RNF217: variants seen among roughly 807,000 people sequenced by gnomAD.
The protein encoded by RNF217 is E3 ubiquitin-protein ligase RNF217.
A neutral mutation model predicts 57.8 loss-of-function variants in RNF217; 31 were observed. The observed-to-expected ratio is 0.54, with a 90% confidence interval of 0.40 to 0.72. The LOEUF (loss-of-function observed/expected upper bound fraction) is 0.72, where lower values mean the gene tolerates loss of function less well. RNF217 is among the 30% of genes least tolerant of loss of function. RNF217 has a pLI of 0.00. For missense variants in RNF217, 696 were observed against 708.3 expected (o/e 0.98, Z 0.20); for synonymous variants, 313 against 294.0 (o/e 1.06, Z -0.66).
At chr6:125,008,975 T>G (rs1271220739) in intron 1 of RNF217, 1 of 255,376 alleles carries the variant, frequency 3.9e-6, no homozygotes, top group Non-Finnish European at 7.3e-6. Context: ...TAAAATGTGT[T>G]TCCCCTGGTT....
chr6:124,966,218 G>T (rs1433970505), intron 1 of RNF217, among the ~76,000 whole-genome samples: 2 of 152,190 alleles, frequency 1.3e-5, no homozygotes, highest in Admixed American at 6.5e-5. Context: ...GATTGTGGTT[G>T]TAATATTTTT....
chr6:124,996,653 A>G (rs1427885558), intron 1 of RNF217: 2 of 152,226 alleles, frequency 1.3e-5, no homozygotes, highest in Non-Finnish European at 2.9e-5. Flanking sequence ...AAGCATATAC[A>G]GTGTGAGCAT....
At chr6:125,034,804 C>G (rs1011424465) in intron 1 of RNF217, among the ~76,000 whole-genome samples, 5 of 151,936 alleles carry the variant, frequency 3.3e-5, no homozygotes, top group African/African-American at 9.7e-5. Context: ...GCCATTTTCA[C>G]GATATTGATT....
chr6:124,966,398 A>G (rs1451389038), intron 1 of RNF217, among the ~76,000 whole-genome samples: 3 of 152,194 alleles, frequency 2.0e-5, no homozygotes, highest in Admixed American at 6.5e-5. Flanking sequence ...TTGTTGCCCT[A>G]CTGAACCACA....
chr6:125,001,654 ACTTGT>A (rs1366621968), intron 1 of RNF217, among the ~76,000 whole-genome samples: 1 of 152,230 alleles, frequency 6.6e-6, no homozygotes, highest in East Asian at 1.9e-4. Flanking sequence ...GAGTTCACAC[ACTTGT>A]CTTGGTCTTT....
intron 1 of RNF217, among the ~76,000 whole-genome samples, chr6:124,993,489 C>T (rs868842250): frequency 6.6e-6 from 1 of 152,156 alleles, no homozygotes; most frequent in Non-Finnish European, 1.5e-5. Flanking sequence ...AGAATAAGAT[C>T]ATTCCTCAGT....
At chr6:125,030,535 C>T (rs533325417) in intron 1 of RNF217, among the ~76,000 whole-genome samples, 1 of 152,270 alleles carries the variant, frequency 6.6e-6, no homozygotes, top group East Asian at 1.9e-4. Context: ...AAGGCCAAAA[C>T]AAAGGGTTTA....
chr6:125,072,796 A>T (rs995959622), intron 3 of RNF217, among the ~76,000 whole-genome samples: 11 of 152,124 alleles, frequency 7.2e-5, no homozygotes, highest in African/African-American at 2.4e-4. Flanking sequence ...AATATGATTG[A>T]TCTTCTGGTG....
At chr6:125,035,927 A>T in intron 1 of RNF217, among the ~76,000 whole-genome samples, 1 of 150,206 alleles carries the variant, frequency 6.7e-6, no homozygotes, top group South Asian at 2.1e-4. Context: ...ATTTTATTAT[A>T]TTTTAAGTTC....
Position 125,043,482 on chromosome 6 carries a change from A to G in RNF217, c.883-1729A>G, listed in dbSNP as rs537444290. On this transcript the variant is annotated intron_variant, in intron 1 of 5. Coordinates refer to ENST00000521654, the MANE Select transcript of RNF217 (RefSeq NM_001286398.3). ...CCTCTTTACTGACATGTTCCTGCAA[A>G]GCTTCAGTACCTAGCCCGTACCTGC... Among the ~76,000 whole-genome samples the G allele has an allele frequency of 6.6e-5, 10 of 152,112 alleles. No homozygotes were observed. In the South Asian group the frequency reaches 2.1e-3, roughly 32 times the overall value.
rs1462007543 is a variant in RNF217 at position 125,081,446 on chromosome 6, A to T, written c.1494A>T (p.Leu498Phe). The T allele has an allele frequency of 6.2e-7, 1 of 1,611,108 alleles. No homozygotes were observed. Residue 498 changes from leucine (L) to phenylalanine (F), a missense_variant, in exon 5 of 6, where the codon TTA becomes TTT. Around this residue, in one of 2 missense-constraint regions of RNF217, gnomAD observed 231 missense variants for 321.4 expected, o/e 0.72. Coordinates refer to ENST00000521654, the MANE Select transcript of RNF217 (RefSeq NM_001286398.3). ...LVRGSVCAGK[L>F]FIAPLIMVLG... ...CCTTTTGTTTTCCAGCTGGAAAATT[A>T]TTCATTGCACCTCTAATTATGGTTT...
At chr6:125,032,608 A>G (rs950617043) in intron 1 of RNF217, among the ~76,000 whole-genome samples, 4 of 151,824 alleles carry the variant, frequency 2.6e-5, no homozygotes, top group Non-Finnish European at 5.9e-5. Flanking sequence ...ATATACTTTA[A>G]AAGTTTCTGG....
intron 1 of RNF217, among the ~76,000 whole-genome samples, chr6:124,992,968 A>G (rs1191629876): frequency 6.6e-6 from 1 of 152,162 alleles, no homozygotes. Flanking sequence ...AAATTTTCCA[A>G]TGTAATAGAA....
rs565892462 is a variant in RNF217, at chr6:125,029,570, A to G, written c.883-15641A>G. ...CCGTTGAAGTTTCTGTTAAAGAACT[A>G]TGTTAACTTGGTTTAACATCTAAGA... On this transcript the variant is annotated intron_variant, in intron 1 of 5. Coordinates refer to ENST00000521654, the MANE Select transcript of RNF217 (RefSeq NM_001286398.3). Among the ~76,000 whole-genome samples the G allele has an allele frequency of 4.6e-5, 7 of 152,344 alleles. No homozygotes were observed. The South Asian group carries it at 8.3e-4, about 18-fold the overall frequency.
chr6:125,085,005 G>T lies in RNF217; in HGVS notation c.*2068G>T, dbSNP rs1372266254. On this transcript the variant is annotated 3_prime_UTR_variant, in exon 6 of 6. Coordinates refer to ENST00000521654, the MANE Select transcript of RNF217 (RefSeq NM_001286398.3). ...GATGAACTCTAAACCTAGCTGATCT[G>T]TATATGTATGATGTATATATGTCAT... 6.7e-6 allele frequency: 1 copy of T among 149,374 alleles called. No homozygotes were observed. The highest frequency in any genetic ancestry group is 6.6e-5 in the Admixed American group (1 of 15,078). 9.3% of individuals were successfully genotyped at this position (149,374 alleles called of 1,614,324 possible).
In RNF217 at chr6:125,057,033, G is replaced by T. The variant is rs374442078; in HGVS notation, c.1117-909G>T. ...GTACAGGCCACAGGGCCACTATATT[G>T]ATATATTTCTAATAATAGAATGCTT... On this transcript the variant is annotated intron_variant, in intron 2 of 5. Coordinates refer to ENST00000521654, the MANE Select transcript of RNF217 (RefSeq NM_001286398.3). 6.8e-4 allele frequency among the ~76,000 whole-genome samples: 104 copies of T among 152,298 alleles called. 2 individuals are homozygous for T. Among genetic ancestry groups the T allele is most frequent in the African/African-American group, 2.4e-3 (98 of 41,582 alleles).
Position 125,087,928 on chromosome 6 carries a change from A to G in RNF217, c.*4991A>G, listed in dbSNP as rs940054903. On this transcript the variant is annotated 3_prime_UTR_variant, in exon 6 of 6. Coordinates refer to ENST00000521654, the MANE Select transcript of RNF217 (RefSeq NM_001286398.3). ...TCAAAACTACCAGTTTTGCACACCA[A>G]TCCCAAGTTTAAGCATATTTTGTAT... The G allele has an allele frequency of 6.6e-6, 1 of 151,930 alleles. No homozygotes were observed. Among genetic ancestry groups the G allele is most frequent in the Non-Finnish European group, 1.5e-5 (1 of 67,982 alleles). 9.4% of individuals were successfully genotyped at this position (151,930 alleles called of 1,614,324 possible).
intron 3 of RNF217, 62 bp from the exon 4 acceptor site, chr6:125,076,595 G>A (rs182080519): frequency 4.0e-5 from 49 of 1,234,106 alleles, no homozygotes; most frequent in Middle Eastern, 1.9e-4. Context: ...TAAAATTTGC[G>A]ATTTTGCTTT....
intron 4 of RNF217, among the ~76,000 whole-genome samples, chr6:125,078,536 C>T (rs1177609571): frequency 6.6e-6 from 1 of 152,052 alleles, no homozygotes; most frequent in Non-Finnish European, 1.5e-5. Context: ...GCCAGCAAGC[C>T]CACGAGACAC....
Sources: allele counts gnomAD v4.1 joint callset (sites outside exome capture counted in the v4.1 genomes callset), GRCh38; gene constraint gnomAD v4.1.1; regional missense constraint gnomAD v4.1.1; transcripts MANE v1.5; gene names NCBI Gene and HGNC (gene_info 2026-07-23, HGNC 2026-07-21).